The following SLC17A6 variants were observed in gnomAD, a reference collection of about 807,000 sequenced individuals.
The protein encoded by SLC17A6 is solute carrier family 17 member 6, also known as vesicular glutamate transporter 2.
In SLC17A6, 35 loss-of-function variants were observed where a neutral mutation model predicts 67.1. That is an observed-to-expected ratio of 0.52 (90% CI 0.40 to 0.69). The LOEUF is 0.69. SLC17A6 is among the 30% of genes least tolerant of loss of function. The probability of loss-of-function intolerance (pLI) is 0.00; values close to 1 mark genes in which losing one functional copy is unlikely to be tolerated. For missense variants in SLC17A6, 588 were observed against 723.9 expected (o/e 0.81, Z 2.15); for synonymous variants, 285 against 252.3 (o/e 1.13, Z -1.23).
intron 7 of SLC17A6, among the ~76,000 whole-genome samples, chr11:22,366,830 C>A (rs547184694): frequency 5.3e-5 from 8 of 151,800 alleles, no homozygotes; most frequent in Admixed American, 5.2e-4. Context: ...CATGGGAAAC[C>A]CCGTCTCTAC....
intron 2 of SLC17A6, 82 bp downstream of exon 2, chr11:22,341,862 C>A: frequency 1.3e-6 from 2 of 1,537,914 alleles, no homozygotes; most frequent in African/African-American, 1.4e-5. Context: ...GAGCCCCGTT[C>A]CCCCGCCACT....
intron 8 of SLC17A6, among the ~76,000 whole-genome samples, chr11:22,371,481 C>T (rs947869418): frequency 6.6e-6 from 1 of 151,710 alleles, no homozygotes; most frequent in Non-Finnish European, 1.5e-5. Context: ...TCAAACATTC[C>T]AGGGTAGCCT....
chr11:22,348,247 T>C (rs965403966), intron 3 of SLC17A6, among the ~76,000 whole-genome samples: 2 of 152,236 alleles, frequency 1.3e-5, no homozygotes, highest in African/African-American at 4.8e-5. Flanking sequence ...CTTTCAGCAG[T>C]AGGCTGAGCC....
At chr11:22,366,861 C>G (rs1170622554) in intron 7 of SLC17A6, among the ~76,000 whole-genome samples, 1 of 151,816 alleles carries the variant, frequency 6.6e-6, no homozygotes, top group African/African-American at 2.4e-5. Context: ...AAAATATTAC[C>G]CGGGCCTGGT....
chr11:22,339,076 TG>T (rs1380255071), intron 1 of SLC17A6, among the ~76,000 whole-genome samples: 962 of 88,266 alleles, frequency 0.011, 18 homozygotes, highest in Non-Finnish European at 0.018. Flanking sequence ...TATATATATA[TG>T]TTATATATAT....
At chr11:22,343,651 C>T (rs551482839) in intron 3 of SLC17A6, among the ~76,000 whole-genome samples, 10 of 152,264 alleles carry the variant, frequency 6.6e-5, no homozygotes, top group African/African-American at 2.4e-4. Context: ...TATGGCCTGA[C>T]AGGAGCTGAG....
At chr11:22,359,960 G>A (rs1197329077) in intron 4 of SLC17A6, among the ~76,000 whole-genome samples, 1 of 151,966 alleles carries the variant, frequency 6.6e-6, no homozygotes, top group Non-Finnish European at 1.5e-5. Flanking sequence ...CATTTTTGAG[G>A]CATTCAATTC....
intron 7 of SLC17A6, 77 bp from the exon 8 acceptor site, chr11:22,369,962 T>C (rs1856157320): frequency 7.1e-7 from 1 of 1,407,118 alleles, no homozygotes; most frequent in Non-Finnish European, 9.7e-7. Context: ...ATCCTGAAAA[T>C]GCAAAGCACC....
chr11:22,378,034 T>A lies in SLC17A6; in HGVS notation c.*294T>A, dbSNP rs1282253290. ...TTGGATTCATATGAGCTAAAACTCA[T>A]CACTATTTACTAAAGCACAACATCT... On this transcript the variant is annotated 3_prime_UTR_variant, in exon 12 of 12. Transcript: ENST00000263160. The A allele has an allele frequency of 4.9e-6, 2 of 404,374 alleles. No individual in the cohort carries two copies. Among genetic ancestry groups the A allele is most frequent in the Non-Finnish European group, 8.8e-6 (2 of 228,552 alleles). 25.0% of individuals were successfully genotyped at this position (404,374 alleles called of 1,614,324 possible).
chr11:22,341,718 G>T lies in SLC17A6; in HGVS notation c.277G>T (p.Val93Leu), dbSNP rs1163726883. The part of the protein sequence containing the change: ...ISFGIRCNLG[V>L]AIVDMVNNST... The stretch of plus-strand genomic sequence containing the variant: ...CTTCGGTATCCGCTGCAACCTGGGC[G>T]TGGCCATTGTGGACATGGTCAACAA... Residue 93 changes from valine to leucine, a missense_variant, in exon 2 of 12, where the codon GTG (valine) becomes TTG (leucine). Around this residue, in one of 4 missense-constraint regions of SLC17A6, gnomAD observed 9 missense variants for 25.3 expected, o/e 0.36. Transcript: ENST00000263160. The T allele has an allele frequency of 6.2e-7, 1 of 1,614,234 alleles. No individual in the cohort carries two copies.
rs115903402 is a variant in SLC17A6 at position 22,368,494 on chromosome 11, C to T, written c.892-1545C>T. On this transcript the variant is annotated intron_variant, in intron 7 of 11. Coordinates refer to ENST00000263160, the MANE Select transcript of SLC17A6 (RefSeq NM_020346.3). Reference sequence around the variant, plus strand: ...AACATTATCAGAATACCATAATCTTCCCTTTAATCCGCCAACAATTTTTTA... The same window carrying T: ...AACATTATCAGAATACCATAATCTTTCCTTTAATCCGCCAACAATTTTTTA... 5.5e-3 allele frequency among the ~76,000 whole-genome samples: 837 copies of T among 152,066 alleles called. 13 individuals carry two copies. Among genetic ancestry groups the T allele is most frequent in the African/African-American group, 0.019 (788 of 41,524 alleles).
chr11:22,369,469 G>C (rs1221796618), intron 7 of SLC17A6, among the ~76,000 whole-genome samples: 2 of 151,952 alleles, frequency 1.3e-5, no homozygotes, highest in Non-Finnish European at 2.9e-5. Flanking sequence ...AGAATTTATA[G>C]TTATAGCTAC....
intron 3 of SLC17A6, among the ~76,000 whole-genome samples, chr11:22,355,038 A>G (rs1564981474): frequency 6.6e-6 from 1 of 152,196 alleles, no homozygotes; most frequent in Non-Finnish European, 1.5e-5. Flanking sequence ...ATTATCATGC[A>G]AGTTCCAACA....
intron 3 of SLC17A6, among the ~76,000 whole-genome samples, chr11:22,358,666 A>G (rs909826346): frequency 2.0e-5 from 3 of 152,116 alleles, no homozygotes; most frequent in Non-Finnish European, 4.4e-5. Context: ...TAACGAAGGA[A>G]TGGAATTTTT....
In SLC17A6 at chr11:22,362,825, G is replaced by T; in HGVS notation, c.748G>T (p.Gly250Ter). ...CTGGTCTTCAGTGTTTTATGTCTAC[G>T]GTATGTTATATTTCTATGCAATAGA... ...TGWSSVFYVYGSFGMVWYMFW... is the reference protein window; with the variant it reads ...TGWSSVFYVY The change falls in exon 6 of 12, where the codon GGA becomes TGA. Residue 250 changes from glycine to a stop codon, truncating the protein, a stop_gained and splice_region_variant. Transcript: ENST00000263160. LOFTEE classifies it high-confidence loss of function. 1 of 1,611,950 alleles carries T rather than the reference G, an allele frequency of 6.2e-7. No homozygotes were observed. The highest frequency in any genetic ancestry group is 1.1e-5 in the South Asian group (1 of 91,016).
intron 5 of SLC17A6, chr11:22,361,192 T>C (rs1466860303): frequency 2.1e-6 from 1 of 469,404 alleles, no homozygotes; most frequent in African/African-American, 2.0e-5. Flanking sequence ...TGTATTTTTC[T>C]AGGAATTGAT....
At chr11:22,342,164 A>G (rs1483851946) in intron 2 of SLC17A6, among the ~76,000 whole-genome samples, 1 of 152,252 alleles carries the variant, frequency 6.6e-6, no homozygotes, top group Non-Finnish European at 1.5e-5. Context: ...CAGCCAAAAC[A>G]TTCTTAATAT....
chr11:22,352,786 G>A (rs866171767), intron 3 of SLC17A6, among the ~76,000 whole-genome samples: 20 of 152,146 alleles, frequency 1.3e-4, no homozygotes, highest in Non-Finnish European at 1.9e-4. Flanking sequence ...AGTATTGAAG[G>A]ATAAAGTGGA....
chr11:22,373,858 G>C (rs1289109069), intron 8 of SLC17A6, among the ~76,000 whole-genome samples: 1 of 152,094 alleles, frequency 6.6e-6, no homozygotes, highest in African/African-American at 2.4e-5. Context: ...ATACACCAGT[G>C]TAAAATAAAA....
Sources: allele counts gnomAD v4.1 joint callset (sites outside exome capture counted in the v4.1 genomes callset), GRCh38; gene constraint gnomAD v4.1.1; regional missense constraint gnomAD v4.1.1; transcripts MANE v1.5; gene names NCBI Gene and HGNC (gene_info 2026-07-23, HGNC 2026-07-21).